Variants in DNAH1 observed in about 807,000 individuals in gnomAD.
DNAH1 encodes dynein axonemal heavy chain 1.
In DNAH1, 327 loss-of-function variants were observed where a neutral mutation model predicts 484.3. That is an observed-to-expected ratio of 0.68 (90% confidence interval 0.62 to 0.74). DNAH1 has a LOEUF of 0.74. Among genes scored for constraint, DNAH1 ranks in the 30% least tolerant of loss-of-function variants. The pLI is 0.00. For synonymous variants in DNAH1, 2,192 were observed against 2,191.9 expected (o/e 1.00, Z 0.00); for missense variants, 5,052 against 5,546.8 (o/e 0.91, Z 2.83).
In DNAH1 at chr3:52,394,946, C is replaced by T. The variant is rs370407852; in HGVS notation, c.10855C>T (p.Leu3619=). The T allele has an allele frequency of 6.2e-7, 1 of 1,613,642 alleles. No individual in the cohort carries two copies. The highest frequency in any genetic ancestry group is 1.1e-5 in the South Asian group (1 of 90,978). The change falls in exon 68 of 78, where the codon CTA becomes TTA. Residue 3619 remains leucine, a synonymous_variant. Coordinates refer to ENST00000420323, the MANE Select transcript of DNAH1 (RefSeq NM_015512.5). ...EPLPGIWDQY[L]DQFQKLLVLR... ...TTTGCCTGGCATCTGGGACCAGTACCTAGACCAGTTCCAGAAGCTGCTAGT... is the reference window on the plus strand; with the variant it reads ...TTTGCCTGGCATCTGGGACCAGTACTTAGACCAGTTCCAGAAGCTGCTAGT...
Position 52,393,036 on chromosome 3 carries a change from C to T in DNAH1, c.10474+11C>T, listed in dbSNP as rs750347751. On this transcript the variant is annotated intron_variant, in intron 65 of 77. Coordinates refer to ENST00000420323, the MANE Select transcript of DNAH1 (RefSeq NM_015512.5). ...ACTCAGAGAGAGCAGGTAGCACCGG[C>T]ATGCCAGGCTCCTACCCTGCACAGA... The T allele has an allele frequency of 3.7e-6, 6 of 1,611,730 alleles. No homozygotes were observed. In the African/African-American group the frequency reaches 6.7e-5, roughly 18 times the overall value.
At position 52,388,836 on chromosome 3, in the gene DNAH1, C is replaced by G. The variant is rs750820564; in HGVS notation, c.9394C>G (p.Arg3132Gly). The stretch of plus-strand genomic sequence containing the variant: ...CAACGGGCTGTCGGATGAGAAGGTG[C>G]GCTGGCAGGAGACGGTGGAGAACCT... ...LINGLSDEKV[R>G]WQETVENLQY... The change falls in exon 59 of 78, where the codon CGC (arginine) becomes GGC (glycine). Residue 3132 changes from arginine (R) to glycine (G), a missense_variant. Around this residue, in one of 4 missense-constraint regions of DNAH1, gnomAD observed 2,929 missense variants for 3,409.4 expected, o/e 0.86. Coordinates refer to ENST00000420323, the MANE Select transcript of DNAH1 (RefSeq NM_015512.5). 3.7e-6 allele frequency: 6 copies of G among 1,613,514 alleles called. No homozygotes were observed. In the East Asian group the frequency reaches 1.3e-4, roughly 36 times the overall value.
chr3:52,350,647 T>C, intron 16 of DNAH1, 57 bp downstream of exon 16: 2 of 1,521,788 alleles, frequency 1.3e-6, no homozygotes, highest in Non-Finnish European at 1.8e-6. Context: ...GGGGAGCTGC[T>C]GAGCTGCAGA....
Position 52,399,691 on chromosome 3 carries a change from C to G in DNAH1, c.12588C>G (p.Ala4196=). 1.2e-6 allele frequency: 2 copies of G among 1,614,028 alleles called. No individual in the cohort carries two copies. The highest frequency in any genetic ancestry group is 1.7e-6 in the Non-Finnish European group (2 of 1,179,886). ...CCAAGGAGCTGTACACAGAGATGGC[C>G]GTTATCTGGCTCTTGCCAACACCCA... ...SQPKELYTEM[A]VIWLLPTPNR... Residue 4196 remains alanine, a synonymous_variant, in exon 77 of 78, where the codon GCC becomes GCG. Transcript: ENST00000420323.
intron 53 of DNAH1, among the ~76,000 whole-genome samples, 179 bp downstream of exon 53, chr3:52,385,156 G>A (rs1373119750): frequency 6.6e-6 from 1 of 152,272 alleles, no homozygotes; most frequent in African/African-American, 2.4e-5. Context: ...CCAGGCCAAA[G>A]CGTGGCACCC....
chr3:52,376,053 T>A (rs1703585958), intron 46 of DNAH1, 60 bp downstream of exon 46: 2 of 1,587,672 alleles, frequency 1.3e-6, no homozygotes, highest in African/African-American at 1.4e-5. Context: ...TGGGCTCTGG[T>A]TGGGTGTGTT....
At chr3:52,341,679 C>G (rs936913809) in intron 8 of DNAH1, among the ~76,000 whole-genome samples, 1 of 152,084 alleles carries the variant, frequency 6.6e-6, no homozygotes, top group Non-Finnish European at 1.5e-5. Context: ...GTTCCCACAC[C>G]TAAACCAACT....
In DNAH1 at chr3:52,371,946, G is replaced by A. The variant is rs754348808; in HGVS notation, c.6526G>A (p.Val2176Ile). Residue 2176 changes from valine to isoleucine, a missense_variant and splice_region_variant, in exon 42 of 78, where the codon GTT (valine) becomes ATT (isoleucine). Val to Ile is a conservative substitution (Grantham distance 29, BLOSUM62 3). Around this residue, in one of 4 missense-constraint regions of DNAH1, gnomAD observed 2,929 missense variants for 3,409.4 expected, o/e 0.86. Coordinates refer to ENST00000420323, the MANE Select transcript of DNAH1 (RefSeq NM_015512.5). ...SEDEEEEYKQ[V>I]AWVKWMDSSA... Reference sequence around the variant, plus strand: ...ACTGCTGAGCCACCTATGATTCCAGGTTGCCTGGGTGAAGTGGATGGACTC... The same window carrying A: ...ACTGCTGAGCCACCTATGATTCCAGATTGCCTGGGTGAAGTGGATGGACTC... 2 of 1,613,154 alleles carry A rather than the reference G, an allele frequency of 1.2e-6. No individual in the cohort carries two copies. The highest frequency in any genetic ancestry group is 2.2e-5 in the East Asian group (1 of 44,886).
rs576239199 is a variant in DNAH1, at chr3:52,375,730, A to G, written c.7160-225A>G. On this transcript the variant is annotated intron_variant, in intron 45 of 77. Coordinates refer to ENST00000420323, the MANE Select transcript of DNAH1 (RefSeq NM_015512.5). The stretch of plus-strand genomic sequence containing the variant: ...GATATGCACTCACTCACATACATAC[A>G]TACGTATACGTTAGTACTTGCCCAG... Among the ~76,000 whole-genome samples the G allele has an allele frequency of 1.2e-4, 19 of 152,306 alleles. 1 individual carries two copies. Among genetic ancestry groups the G allele is most frequent in the East Asian group, 1.9e-4 (1 of 5,190 alleles).
intron 59 of DNAH1, 123 bp downstream of exon 59, chr3:52,389,060 C>T (rs777073845): frequency 6.3e-5 from 77 of 1,220,100 alleles, no homozygotes; most frequent in Non-Finnish European, 7.9e-5. Context: ...AGTCATTCAA[C>T]AAGCACTTAG....
At position 52,390,943 on chromosome 3, in the gene DNAH1, C is replaced by T. The variant is rs1051116613; in HGVS notation, c.9630C>T (p.Gly3210=). The T allele has an allele frequency of 5.2e-6, 8 of 1,551,766 alleles. No homozygotes were observed. Among genetic ancestry groups the T allele is most frequent in the Non-Finnish European group, 1.7e-6 (2 of 1,147,004 alleles). ...TGCCTGGCTCTCCACAGATCGCTGG[C>T]CTCCCCAACGACACACTGTCAGTGG... is the stretch of plus-strand genomic sequence containing the variant. The part of the protein sequence containing the change: ...PVKIRSWQIA[G]LPNDTLSVEN... The change falls in exon 61 of 78, where the codon GGC becomes GGT. Residue 3210 remains glycine (G), a synonymous_variant. Coordinates refer to ENST00000420323, the MANE Select transcript of DNAH1 (RefSeq NM_015512.5).
intron 6 of DNAH1, among the ~76,000 whole-genome samples, chr3:52,330,763 G>A (rs955014211): frequency 6.6e-6 from 1 of 152,230 alleles, no homozygotes; most frequent in Non-Finnish European, 1.5e-5. Flanking sequence ...CCCTGGCCAT[G>A]GTCACCTTGA....
rs1704486747 is a variant in DNAH1, at chr3:52,393,500, A to C, written c.10626+15A>C. On this transcript the variant is annotated intron_variant, in intron 66 of 77. Coordinates refer to ENST00000420323, the MANE Select transcript of DNAH1 (RefSeq NM_015512.5). ...AAATCAACCAGGTGCTGGCAGAGAC[A>C]CCCAGGACAGACTGCCTGAGGGGTG... 6.2e-7 allele frequency: 1 copy of C among 1,613,290 alleles called. No individual in the cohort carries two copies. Among genetic ancestry groups the C allele is most frequent in the Admixed American group, 1.7e-5 (1 of 59,994 alleles).
At chr3:52,325,188 C>T (rs546100861) in intron 3 of DNAH1, among the ~76,000 whole-genome samples, 1 of 152,296 alleles carries the variant, frequency 6.6e-6, no homozygotes, top group Non-Finnish European at 1.5e-5. Flanking sequence ...GTGGAGGCTC[C>T]GCTGAGCCTT....
At position 52,345,494 on chromosome 3, in the gene DNAH1, G is replaced by C. The variant is rs1702104611; in HGVS notation, c.1445-1G>C. 6.4e-7 allele frequency: 1 copy of C among 1,560,046 alleles called. No individual in the cohort carries two copies. Among genetic ancestry groups the C allele is most frequent in the Non-Finnish European group, 8.7e-7 (1 of 1,151,636 alleles). On this transcript the variant is annotated splice_acceptor_variant, in intron 9 of 77. Coordinates refer to ENST00000420323, the MANE Select transcript of DNAH1 (RefSeq NM_015512.5). LOFTEE classifies it high-confidence loss of function. ...CTGGCCCTTGGCCCCTATCCCTGCA[G>C]GGCTGGTGAGTGTCCCCAAGTACCA...
chr3:52,386,530 G>C (rs1704117853), intron 55 of DNAH1, 132 bp from the exon 56 acceptor site: 1 of 1,288,090 alleles, frequency 7.8e-7, no homozygotes, highest in Non-Finnish European at 1.0e-6. Flanking sequence ...GCCAACCTCG[G>C]TGGATCTCTG....
In DNAH1 at chr3:52,364,361, C is replaced by T. The variant is rs1024494482; in HGVS notation, c.5245-277C>T. Among the ~76,000 whole-genome samples, 21 of 152,230 alleles carry T rather than the reference C, an allele frequency of 1.4e-4. No individual in the cohort carries two copies. The highest frequency in any genetic ancestry group is 2.1e-4 in the Non-Finnish European group (14 of 68,040). The stretch of plus-strand genomic sequence containing the variant: ...CCAGCACAACTAGAGGGCCCTCCTG[C>T]CCCTGGCCATGTGCTGGGACAGTGA... On this transcript the variant is annotated intron_variant, in intron 32 of 77. Transcript: ENST00000420323. The surrounding 1 kb of genome is among the most constrained non-coding windows in gnomAD (Gnocchi z 4.2).
In DNAH1 at chr3:52,395,588, G is replaced by T. The variant is rs763418556; in HGVS notation, c.11169G>T (p.Arg3723Ser). ...CCATGATGCGCAGCTCCATAGAGAGGGGCAAATGGGTCTTCTTCCAGAACT... is the reference window on the plus strand; with the variant it reads ...CCATGATGCGCAGCTCCATAGAGAGTGGCAAATGGGTCTTCTTCCAGAACT... ...AEAMMRSSIE[R>S]GKWVFFQNCH... The change falls in exon 70 of 78, where the codon AGG (arginine) becomes AGT (serine). Residue 3723 changes from arginine (R) to serine (S), a missense_variant. This residue lies in a region of DNAH1 where 853 missense variants were observed against 899.0 expected (regional missense o/e 0.95). Coordinates refer to ENST00000420323, the MANE Select transcript of DNAH1 (RefSeq NM_015512.5). The surrounding 1 kb of genome is among the most constrained non-coding windows in gnomAD (Gnocchi z 4.4). 6 of 1,613,708 alleles carry T rather than the reference G, an allele frequency of 3.7e-6. No individual in the cohort carries two copies. In the African/African-American group the frequency reaches 8.0e-5, roughly 22 times the overall value.
chr3:52,384,636 A>C (rs1704014957), intron 52 of DNAH1, 150 bp from the exon 53 acceptor site: 1 of 762,612 alleles, frequency 1.3e-6, no homozygotes, highest in African/African-American at 1.8e-5. Flanking sequence ...CTCGACCTGG[A>C]GGTCGTGAGG....
Sources: allele counts gnomAD v4.1 joint callset (sites outside exome capture counted in the v4.1 genomes callset), GRCh38; gene constraint gnomAD v4.1.1; regional missense constraint gnomAD v4.1.1; non-coding constraint Gnocchi (gnomAD v3.1); transcripts MANE v1.5; gene names NCBI Gene and HGNC (gene_info 2026-07-23, HGNC 2026-07-21).